The following WDR25 variants were observed in gnomAD, a reference collection of about 807,000 sequenced individuals.
WDR25 encodes the protein WD repeat-containing protein 25.
WDR25 carries 35 observed loss-of-function variants against 47.7 expected under a neutral mutation model. The ratio of observed to expected loss-of-function variants is 0.73; its 90% CI spans 0.56 to 0.97. WDR25 has a LOEUF of 0.97. Ranked by LOEUF, WDR25 falls within the 50% of genes least tolerant of loss-of-function variation. The probability of loss-of-function intolerance (pLI) is 0.00; values close to 1 mark genes in which losing one functional copy is unlikely to be tolerated. For synonymous variants in WDR25, 248 were observed against 278.9 expected (o/e 0.89, Z 1.10); for missense variants, 634 against 704.7 (o/e 0.90, Z 1.14).
chr14:100,392,366 CT>C lies in WDR25; in HGVS notation c.822+10622del, dbSNP rs1897164061. On this transcript the variant is annotated intron_variant, in intron 2 of 6. Coordinates refer to ENST00000402312, the MANE Select transcript of WDR25 (RefSeq NM_001161476.3). The surrounding 1 kb of genome is among the most constrained non-coding windows in gnomAD (Gnocchi z 4.2). ...TCTTTTCCAGCCACGTCTCTGTCTT[CT>C]TCTGCTTGGTTAGCTCTCCAAACTG... Among the ~76,000 whole-genome samples the C allele has an allele frequency of 6.6e-6, 1 of 151,680 alleles. No individual in the cohort carries two copies. Among genetic ancestry groups the C allele is most frequent in the Non-Finnish European group, 1.5e-5 (1 of 67,972 alleles).
intron 4 of WDR25, among the ~76,000 whole-genome samples, chr14:100,508,837 CA>C (rs1449206578): frequency 1.4e-4 from 21 of 152,010 alleles, no homozygotes; most frequent in African/African-American, 4.8e-4. Flanking sequence ...TGAATTTTGT[CA>C]AAAATGATTT....
intron 3 of WDR25, among the ~76,000 whole-genome samples, chr14:100,471,289 T>C (rs916126785): frequency 3.3e-5 from 5 of 152,116 alleles, no homozygotes; most frequent in African/African-American, 9.7e-5. Context: ...GTGGGTAAGA[T>C]GTGCTGAGTT....
At chr14:100,389,441 T>A (rs1189236505) in intron 2 of WDR25, among the ~76,000 whole-genome samples, 2 of 152,242 alleles carry the variant, frequency 1.3e-5, no homozygotes, top group Non-Finnish European at 2.9e-5. Flanking sequence ...TAGCTTCTGC[T>A]GTTTCTTGTC....
chr14:100,447,642 C>G (rs1898881785), intron 2 of WDR25, among the ~76,000 whole-genome samples: 1 of 152,088 alleles, frequency 6.6e-6, no homozygotes, highest in Non-Finnish European at 1.5e-5. Flanking sequence ...TGGTATTGAG[C>G]AGGGTGGGGG....
rs1206405303 is a variant in WDR25 at position 100,498,483 on chromosome 14, A to G, written c.1101+14359A>G. On this transcript the variant is annotated intron_variant, in intron 4 of 6. Transcript: ENST00000402312. This position sits in a 1 kb window ranked among gnomAD's most constrained non-coding sequence, Gnocchi z 4.2. Reference sequence around the variant, plus strand: ...AAAGGTCGGTTTTCTGGCTCACCTCACTCATTTGCTCATTGAACACTGCGG... The same window carrying G: ...AAAGGTCGGTTTTCTGGCTCACCTCGCTCATTTGCTCATTGAACACTGCGG... 1.3e-5 allele frequency among the ~76,000 whole-genome samples: 2 copies of G among 151,366 alleles called. No homozygotes were observed. The highest frequency in any genetic ancestry group is 2.4e-5 in the African/African-American group (1 of 41,132).
rs148828348 is a variant in WDR25, at chr14:100,435,316, A to G, written c.823-32705A>G. ...CTCGCATCACCCTGGGTGCTAAGGA[A>G]AAAGGCCCCAGGGAGGGAAGGATAA... On this transcript the variant is annotated intron_variant, in intron 2 of 6. Transcript: ENST00000402312. Among the ~76,000 whole-genome samples the G allele has an allele frequency of 4.3e-3, 659 of 152,366 alleles. 6 individuals are homozygous for G. Among genetic ancestry groups the G allele is most frequent in the Non-Finnish European group, 4.6e-3 (316 of 68,032 alleles).
intron 2 of WDR25, among the ~76,000 whole-genome samples, chr14:100,460,213 T>C (rs1238987621): frequency 6.6e-6 from 1 of 151,052 alleles, no homozygotes; most frequent in African/African-American, 2.4e-5. Flanking sequence ...CCTGGGTTCA[T>C]GCCATTCTCC....
At chr14:100,518,190 GTTC>G (rs951904149) in intron 4 of WDR25, among the ~76,000 whole-genome samples, 3 of 152,064 alleles carry the variant, frequency 2.0e-5, no homozygotes, top group South Asian at 2.1e-4. Context: ...AATTCACTTA[GTTC>G]TTCTTCATTT....
At position 100,484,339 on chromosome 14, in the gene WDR25, A is replaced by G. The variant is rs192072132; in HGVS notation, c.1101+215A>G. 2.0e-5 allele frequency among the ~76,000 whole-genome samples: 3 copies of G among 152,362 alleles called. No individual in the cohort carries two copies. The East Asian group carries it at 5.8e-4, about 29-fold the overall frequency. On this transcript the variant is annotated intron_variant, in intron 4 of 6. Transcript: ENST00000402312. Reference sequence around the variant, plus strand: ...TATCAAAGGTGCAATTTTATGCAGCATATTACTAAAAATATTTGTTGAACA... The same window carrying G: ...TATCAAAGGTGCAATTTTATGCAGCGTATTACTAAAAATATTTGTTGAACA...
At chr14:100,452,716 ACT>A (rs1899077383) in intron 2 of WDR25, among the ~76,000 whole-genome samples, 1 of 151,842 alleles carries the variant, frequency 6.6e-6, no homozygotes, top group Non-Finnish European at 1.5e-5. Context: ...CTATAACTCG[ACT>A]CTGATGCAGA....
intron 1 of WDR25, among the ~76,000 whole-genome samples, chr14:100,380,647 C>A (rs1459346378): frequency 6.6e-6 from 1 of 151,930 alleles, no homozygotes; most frequent in Non-Finnish European, 1.5e-5. Context: ...GTGCCTGCCA[C>A]CCTGCCTCGC....
At position 100,510,239 on chromosome 14, in the gene WDR25, C is replaced by T. The variant is rs1436255452; in HGVS notation, c.1102-15631C>T. On this transcript the variant is annotated intron_variant, in intron 4 of 6. Coordinates refer to ENST00000402312, the MANE Select transcript of WDR25 (RefSeq NM_001161476.3). ...GAGCTGAGATTGCACCACTGCACTC[C>T]AGCCTGGGTGACAGAACGAGACTCC... Among the ~76,000 whole-genome samples the T allele has an allele frequency of 4.7e-5, 7 of 150,522 alleles. No individual in the cohort carries two copies. The East Asian group carries it at 1.4e-3, about 29-fold the overall frequency.
chr14:100,435,665 G>A (rs970775362), intron 2 of WDR25, among the ~76,000 whole-genome samples: 46 of 152,052 alleles, frequency 3.0e-4, no homozygotes, highest in African/African-American at 9.7e-4. Context: ...TCAATCATTC[G>A]TTCATTCATT....
rs1282772763 is a variant in WDR25, at chr14:100,468,414, A to G, written c.970+246A>G. 6.6e-6 allele frequency among the ~76,000 whole-genome samples: 1 copy of G among 152,234 alleles called. No homozygotes were observed. Among genetic ancestry groups the G allele is most frequent in the Non-Finnish European group, 1.5e-5 (1 of 68,032 alleles). The stretch of plus-strand genomic sequence containing the variant: ...GAGCCCCAAGGTTGTCTCAGCCTCA[A>G]GCCATGGGGCTGGATAAAGAGGTGG... On this transcript the variant is annotated intron_variant, in intron 3 of 6. Transcript: ENST00000402312. The surrounding 1 kb of genome is among the most constrained non-coding windows in gnomAD (Gnocchi z 4.5).
intron 2 of WDR25, among the ~76,000 whole-genome samples, chr14:100,394,943 C>G (rs947238711): frequency 7.9e-5 from 12 of 152,082 alleles, no homozygotes; most frequent in African/African-American, 2.9e-4. Context: ...CATGATTGTG[C>G]CACTGCACTC....
intron 2 of WDR25, among the ~76,000 whole-genome samples, chr14:100,457,593 G>A (rs1899246875): frequency 6.6e-6 from 1 of 152,348 alleles, no homozygotes; most frequent in South Asian, 2.1e-4. Flanking sequence ...GAAGGAAAAT[G>A]ATGCTAGAGA....
intron 2 of WDR25, among the ~76,000 whole-genome samples, chr14:100,386,999 A>G (rs1897034855): frequency 6.6e-6 from 1 of 151,914 alleles, no homozygotes; most frequent in African/African-American, 2.4e-5. Flanking sequence ...CTTCAGTACC[A>G]CTGTTGTACT....
In WDR25 at chr14:100,484,123, A is replaced by G. The variant is rs1900301202; in HGVS notation, c.1100A>G (p.Lys367Arg). 2 of 1,611,538 alleles carry G rather than the reference A, an allele frequency of 1.2e-6. No individual in the cohort carries two copies. The highest frequency in any genetic ancestry group is 1.7e-4 in the Middle Eastern group (1 of 6,050). Residue 367 changes from lysine (K) to arginine (R), a missense_variant and splice_region_variant, in exon 4 of 7, where the codon AAG becomes AGG. Physicochemically the swap from Lys to Arg is conservative, Grantham distance 26. Transcript: ENST00000402312. ...EMKAWDIRTGKVMRSYKATIQ... is the reference protein window; with the variant it reads ...EMKAWDIRTGRVMRSYKATIQ... The stretch of plus-strand genomic sequence containing the variant: ...AAAGCTTGGGATATAAGGACTGGCA[A>G]GGTAATAGCCATATTCCTAACTTGG...
chr14:100,436,632 C>T (rs551688868), intron 2 of WDR25, among the ~76,000 whole-genome samples: 3 of 152,196 alleles, frequency 2.0e-5, no homozygotes, highest in African/African-American at 7.2e-5. Context: ...GTCAGGTGTT[C>T]GGTGTCTCTT....
Sources: gnomAD v4.1 joint callset for allele counts (sites outside exome capture counted in the v4.1 genomes callset) on GRCh38, gnomAD v4.1.1 for gene constraint, Gnocchi (gnomAD v3.1) non-coding constraint, MANE v1.5 for transcripts, NCBI Gene and HGNC (gene_info 2026-07-23, HGNC 2026-07-21) for gene names.